The following MUC3A variants were observed in gnomAD, a reference collection of about 807,000 sequenced individuals.
MUC3A encodes the protein mucin 3A, cell surface associated.
Under a neutral mutation model 109.0 loss-of-function variants are expected in MUC3A, and 109 were observed. The observed-to-expected ratio is 1.00, with a 90% CI of 0.86 to 1.17. The LOEUF is 1.17. Among genes scored for constraint, MUC3A ranks in the 50% most tolerant of loss-of-function variants. The pLI is 0.00. For missense variants in MUC3A, 3,537 were observed against 2,469.4 expected, an observed-to-expected ratio of 1.43 and a Z score of -9.16; for synonymous variants, 1,398 against 981.4, an observed-to-expected ratio of 1.42 and a Z score of -7.93.
At position 100,952,394 on chromosome 7, in the gene MUC3A, C is replaced by CTCG; in HGVS notation, c.617_618insGTC (p.Ser207dup). The CTCG allele has an allele frequency of 6.3e-7, 1 of 1,598,544 alleles. No individual in the cohort carries two copies. The highest frequency in any genetic ancestry group is 8.5e-7 in the Non-Finnish European group (1 of 1,179,774). On this transcript the variant is annotated inframe_insertion, in exon 2 of 12. Transcript: ENST00000379458. ...AAACTCCCATAGTGACAGTGACACC[C>CTCG]TCCTCTGTGTCAGCCACAGACACAA...
At chr7:100,966,582 CG>C (rs773295532) in intron 9 of MUC3A, 23 bp downstream of exon 9, 6 of 1,540,460 alleles carry the variant, frequency 3.9e-6, no homozygotes, top group African/African-American at 2.7e-5. Context: ...GGGGCGGGGC[CG>C]GGGGGCGAGG....
Position 100,966,483 on chromosome 7 carries a change from C to A in MUC3A, c.9709C>A (p.Leu3237Met). ...LVGGLTAGAALLVLLLLALGV... is the reference protein window; with the variant it reads ...LVGGLTAGAAMLVLLLLALGV... ...CGGGGGCCTGACGGCCGGCGCCGCG[C>A]TGCTGGTGCTGCTGCTGCTGGCGCT... The change falls in exon 9 of 12, where the codon CTG (leucine) becomes ATG (methionine). Residue 3237 changes from leucine to methionine, a missense_variant. Leu to Met is a conservative substitution (Grantham distance 15). Transcript: ENST00000379458. The A allele has an allele frequency of 7.6e-7, 1 of 1,316,346 alleles. No individual in the cohort carries two copies. The highest frequency in any genetic ancestry group is 9.6e-7 in the Non-Finnish European group (1 of 1,042,382). 81.5% of individuals were successfully genotyped at this position (1,316,346 alleles called of 1,614,324 possible). A position where few individuals can be genotyped will look rare whatever the true frequency, so the allele number is the denominator to read the frequency against.
Position 100,967,534 on chromosome 7 carries a change from A to G in MUC3A, c.*372A>G. The G allele has an allele frequency of 2.1e-6, 1 of 484,818 alleles. No individual in the cohort carries two copies. The highest frequency in any genetic ancestry group is 1.9e-5 in the African/African-American group (1 of 51,826). 30.0% of individuals were successfully genotyped at this position (484,818 alleles called of 1,614,324 possible). A position where few individuals can be genotyped will look rare whatever the true frequency, so the allele number is the denominator to read the frequency against. On this transcript the variant is annotated 3_prime_UTR_variant, in exon 12 of 12. Coordinates refer to ENST00000379458, the MANE Select transcript of MUC3A (RefSeq NM_005960.2). ...CTCCCGTCTCAGCCCTCGTGTTGCC[A>G]TTGCCTCTCTCGGATCCTCCAATCC...
Position 100,960,167 on chromosome 7 carries a change from T to C in MUC3A, c.8388T>C (p.Thr2796=). 1 of 1,573,974 alleles carries C rather than the reference T, an allele frequency of 6.4e-7. No homozygotes were observed. The highest frequency in any genetic ancestry group is 8.6e-7 in the Non-Finnish European group (1 of 1,165,928). ...CVEMDPSTEA[T]SPPTTPLTVF... ...AAATGGATCCCAGCACTGAAGCTACTTCTCCTCCCACCACCCCATTAACAG... is the reference window on the plus strand; with the variant it reads ...AAATGGATCCCAGCACTGAAGCTACCTCTCCTCCCACCACCCCATTAACAG... Residue 2796 remains threonine, a synonymous_variant, in exon 2 of 12, where the codon ACT becomes ACC. Coordinates refer to ENST00000379458, the MANE Select transcript of MUC3A (RefSeq NM_005960.2).
intron 7 of MUC3A, 56 bp from the exon 8 acceptor site, chr7:100,965,648 C>T (rs1792506504): frequency 1.3e-6 from 2 of 1,560,074 alleles, no homozygotes; most frequent in Non-Finnish European, 1.7e-6. Flanking sequence ...TTATCAGGCC[C>T]CTGAATAGAA....
At chr7:100,964,583 G>T in intron 5 of MUC3A, 112 bp from the exon 6 acceptor site, 1 of 1,443,626 alleles carries the variant, frequency 6.9e-7, no homozygotes. Context: ...CCCAACTCAT[G>T]ACCTCTGCTC....
rs544747218 is a variant in MUC3A, at chr7:100,958,581, C to T, written c.6802C>T (p.His2268Tyr). Residue 2268 changes from histidine to tyrosine, a missense_variant, in exon 2 of 12, where the codon CAT becomes TAT. His to Tyr is a moderately conservative substitution (Grantham distance 83). Coordinates refer to ENST00000379458, the MANE Select transcript of MUC3A (RefSeq NM_005960.2). ...SSITTTETTS[H>Y]DTPSFTSSIT... The stretch of plus-strand genomic sequence containing the variant: ...GATCACCACCACTGAGACCACCTCA[C>T]ATGATACTCCCAGCTTCACTTCTTC... 7.9e-7 allele frequency: 1 copy of T among 1,258,586 alleles called. No individual in the cohort carries two copies. The highest frequency in any genetic ancestry group is 2.2e-5 in the Admixed American group (1 of 45,044). 78.0% of individuals were successfully genotyped at this position (1,258,586 alleles called of 1,614,324 possible). A position where few individuals can be genotyped will look rare whatever the true frequency, so the allele number is the denominator to read the frequency against.
intron 1 of MUC3A, among the ~76,000 whole-genome samples, chr7:100,950,347 C>T (rs1172793165): frequency 6.6e-6 from 1 of 152,308 alleles, no homozygotes; most frequent in Non-Finnish European, 1.5e-5. Context: ...CTCTCTTCTG[C>T]CCTGCAGGAA....
At chr7:100,964,541 G>C (rs961335910) in intron 5 of MUC3A, 154 bp from the exon 6 acceptor site, 1 of 1,272,642 alleles carries the variant, frequency 7.9e-7, no homozygotes, top group Non-Finnish European at 1.1e-6. Flanking sequence ...AGGAATGCTG[G>C]CAGCCCCTTC....
Position 100,959,737 on chromosome 7 carries a change from C to T in MUC3A, c.7958C>T (p.Thr2653Ile). ...PSTPSLQTSL[T>I]STSEFTTESF... The stretch of plus-strand genomic sequence containing the variant: ...ACTCCCTCATTGCAAACTTCACTCA[C>T]ATCTACAAGTGAGTTCACTACAGAA... The change falls in exon 2 of 12, where the codon ACA (threonine) becomes ATA (isoleucine). Residue 2653 changes from threonine to isoleucine, a missense_variant. By Grantham distance (89) the Thr-to-Ile change is moderately conservative. Coordinates refer to ENST00000379458, the MANE Select transcript of MUC3A (RefSeq NM_005960.2). 4 of 1,598,508 alleles carry T rather than the reference C, an allele frequency of 2.5e-6. No homozygotes were observed. The highest frequency in any genetic ancestry group is 1.7e-4 in the Middle Eastern group (1 of 6,060).
In MUC3A at chr7:100,958,904, C is replaced by CACTACTTCAATCACCAAAACCA. The variant is rs1792198844; in HGVS notation, c.7126_7127insCTACTTCAATCACCAAAACCAA (p.Ser2376ThrfsTer15). ...CCACCTCACACAGTACTCCCAGCTT[C>CACTACTTCAATCACCAAAACCA]AGTTCTTCAATCACCACCACTGAGA... On this transcript the variant is annotated frameshift_variant, in exon 2 of 12. Coordinates refer to ENST00000379458, the MANE Select transcript of MUC3A (RefSeq NM_005960.2). LOFTEE classifies it high-confidence loss of function. 1 of 1,484,456 alleles carries CACTACTTCAATCACCAAAACCA rather than the reference C, an allele frequency of 6.7e-7. No individual in the cohort carries two copies. The highest frequency in any genetic ancestry group is 2.1e-5 in the Admixed American group (1 of 48,310). 92.0% of individuals were successfully genotyped at this position (1,484,456 alleles called of 1,614,324 possible).
chr7:100,967,050 A>T, intron 11 of MUC3A, 71 bp from the exon 12 acceptor site: 1 of 1,598,492 alleles, frequency 6.3e-7, no homozygotes, highest in Non-Finnish European at 8.5e-7. Flanking sequence ...CTGGGCTCGG[A>T]TCAGCAGTGA....
chr7:100,950,511 T>G (rs1201004161), intron 1 of MUC3A, among the ~76,000 whole-genome samples: 1 of 152,274 alleles, frequency 6.6e-6, no homozygotes, highest in Non-Finnish European at 1.5e-5. Context: ...GCCTGGGGAT[T>G]CTCATAATCC....
rs1277175940 is a variant in MUC3A, at chr7:100,963,197, G to T, written c.9099G>T (p.Gln3033His). 92 of 1,598,298 alleles carry T rather than the reference G, an allele frequency of 5.8e-5. No individual in the cohort carries two copies. Among genetic ancestry groups the T allele is most frequent in the Non-Finnish European group, 7.7e-5 (91 of 1,179,702 alleles). ...GCATGGAAGTGTCTGTGGATCAGCA[G>T]TTCTCGCCGGACCTCAATGACAACA... Reference protein sequence around the residue: ...EVGMEVSVDQQFSPDLNDNTS... With the variant: ...EVGMEVSVDQHFSPDLNDNTS... Residue 3033 changes from glutamine (Q) to histidine (H), a missense_variant, in exon 4 of 12, where the codon CAG (glutamine) becomes CAT (histidine). Gln to His is a conservative substitution (Grantham distance 24). Transcript: ENST00000379458.
At chr7:100,966,841 CT>C in intron 10 of MUC3A, 57 bp from the exon 11 acceptor site, 1 of 1,598,376 alleles carries the variant, frequency 6.3e-7, no homozygotes, top group Non-Finnish European at 8.5e-7. Flanking sequence ...CTCCGTCCCC[CT>C]CTCCCTTCCG....
Position 100,953,983 on chromosome 7 carries a change from C to T in MUC3A, c.2204C>T (p.Thr735Ile). The stretch of plus-strand genomic sequence containing the variant: ...ACCTATCCCACCACTATGACAGAGA[C>T]ATCATCCACTGCCACCTCTCTTCCA... ...EITYPTTMTE[T>I]SSTATSLPPT... The change falls in exon 2 of 12, where the codon ACA becomes ATA. Residue 735 changes from threonine (T) to isoleucine (I), a missense_variant. By Grantham distance (89) the Thr-to-Ile change is moderately conservative. Transcript: ENST00000379458. 2.2e-6 allele frequency: 1 copy of T among 461,006 alleles called. No homozygotes were observed. The highest frequency in any genetic ancestry group is 3.8e-6 in the Non-Finnish European group (1 of 262,792). 28.6% of individuals were successfully genotyped at this position (461,006 alleles called of 1,614,324 possible). A position where few individuals can be genotyped will look rare whatever the true frequency, so the allele number is the denominator to read the frequency against.
intron 1 of MUC3A, 46 bp downstream of exon 1, chr7:100,949,731 G>C (rs1270662617): frequency 1.4e-5 from 21 of 1,462,990 alleles, no homozygotes; most frequent in Non-Finnish European, 1.8e-5. Context: ...CTCCTGATGT[G>C]ATGTTCCAGG....
At chr7:100,965,562 C>A in intron 7 of MUC3A, 142 bp from the exon 8 acceptor site, 2 of 1,450,888 alleles carry the variant, frequency 1.4e-6, no homozygotes, top group Non-Finnish European at 9.2e-7. Context: ...GGCCTCCCCT[C>A]ATCGAATCCC....
rs62483696 is a variant in MUC3A, at chr7:100,958,918, C to T, written c.7139C>T (p.Thr2380Ile). The change falls in exon 2 of 12, where the codon ACC becomes ATC. Residue 2380 changes from threonine (T) to isoleucine (I), a missense_variant. Physicochemically the swap from Thr to Ile is moderately conservative, Grantham distance 89. Coordinates refer to ENST00000379458, the MANE Select transcript of MUC3A (RefSeq NM_005960.2). ...ACTCCCAGCTTCAGTTCTTCAATCA[C>T]CACCACTGAGACCCCCTTACACAGT... ...HSTPSFSSSITTTETPLHSTP... is the reference protein window; with the variant it reads ...HSTPSFSSSIITTETPLHSTP... 7.9e-6 allele frequency: 12 copies of T among 1,524,014 alleles called. No homozygotes were observed. The highest frequency in any genetic ancestry group is 7.5e-5 in the Admixed American group (4 of 53,408). 94.4% of individuals were successfully genotyped at this position (1,524,014 alleles called of 1,614,324 possible).
Sources: gnomAD v4.1 joint callset for allele counts (sites outside exome capture counted in the v4.1 genomes callset) on GRCh38, gnomAD v4.1.1 for gene constraint, MANE v1.5 for transcripts, NCBI Gene and HGNC (gene_info 2026-07-23, HGNC 2026-07-21) for gene names.